The following THSD7B variants were observed in gnomAD, a reference collection of about 807,000 sequenced individuals.
THSD7B encodes the protein thrombospondin type 1 domain containing 7B, also known as thrombospondin type-1 domain-containing protein 7B.
THSD7B carries 138 observed loss-of-function variants against 213.6 expected under a neutral mutation model. The ratio of observed to expected loss-of-function variants is 0.65; its 90% CI spans 0.56 to 0.74. THSD7B has a LOEUF of 0.74. THSD7B is among the 30% of genes least tolerant of loss of function. THSD7B has a pLI of 0.00. For missense variants in THSD7B, 1,931 were observed against 1,991.5 expected (o/e 0.97, Z 0.58); for synonymous variants, 742 against 687.0 (o/e 1.08, Z -1.25).
At chr2:137,145,823 A>G (rs1458845358) in intron 5 of THSD7B, among the ~76,000 whole-genome samples, 7 of 152,110 alleles carry the variant, frequency 4.6e-5, no homozygotes, top group Non-Finnish European at 8.8e-5. Context: ...CGCTTTCAGA[A>G]TCAGTGTTTA....
intron 1 of THSD7B, among the ~76,000 whole-genome samples, chr2:136,816,937 A>G (rs1350548627): frequency 1.3e-5 from 2 of 152,208 alleles, no homozygotes; most frequent in Non-Finnish European, 2.9e-5. Flanking sequence ...ATATATGGAC[A>G]TATTGCTGAA....
At position 137,328,151 on chromosome 2, in the gene THSD7B, C is replaced by T. The variant is rs1387501973; in HGVS notation, c.2500+52125C>T. 7.9e-5 allele frequency among the ~76,000 whole-genome samples: 12 copies of T among 152,066 alleles called. 1 individual carries two copies. The highest frequency in any genetic ancestry group is 7.9e-4 in the Admixed American group (12 of 15,266). On this transcript the variant is annotated intron_variant, in intron 12 of 27. Transcript: ENST00000409968. ...TATACTTAGATAAATGCGTATGAGTCTAAAATATTAGATAAAGAGAGCATA... is the reference window on the plus strand; with the variant it reads ...TATACTTAGATAAATGCGTATGAGTTTAAAATATTAGATAAAGAGAGCATA...
At chr2:137,655,844 GA>G (rs1294746504) in intron 22 of THSD7B, among the ~76,000 whole-genome samples, 184 bp downstream of exon 22, 1 of 150,614 alleles carries the variant, frequency 6.6e-6, no homozygotes, top group Admixed American at 6.6e-5. Flanking sequence ...GTAGGCAAAA[GA>G]AAAAAAAAGG....
chr2:136,969,310 T>C (rs1685369110), intron 2 of THSD7B, among the ~76,000 whole-genome samples: 1 of 152,196 alleles, frequency 6.6e-6, no homozygotes, highest in African/African-American at 2.4e-5. Context: ...TACTTCGTTT[T>C]GTTTCTCAGC....
chr2:137,547,972 C>A (rs77132157), intron 15 of THSD7B, among the ~76,000 whole-genome samples: 3,604 of 152,058 alleles, frequency 0.024, 164 homozygotes, highest in African/African-American at 0.083. Context: ...CAGTTTTGTG[C>A]TTGCCTACTG....
chr2:136,919,329 C>T (rs541167223), intron 2 of THSD7B, among the ~76,000 whole-genome samples: 1 of 152,206 alleles, frequency 6.6e-6, no homozygotes, highest in Non-Finnish European at 1.5e-5. Flanking sequence ...AGGCAAAACC[C>T]AAGCAGGCAA....
rs183146081 is a variant in THSD7B, at chr2:137,086,891, A to G, written c.951-7982A>G. Among the ~76,000 whole-genome samples, 519 of 152,326 alleles carry G rather than the reference A, an allele frequency of 3.4e-3. 3 individuals are homozygous for G. Among genetic ancestry groups the G allele is most frequent in the Non-Finnish European group, 6.2e-3 (423 of 68,030 alleles). ...AATATTTATGACCTAACTCTAGGCAATACTCCTAGGGGAAATCTCTTTTAC... is the reference window on the plus strand; with the variant it reads ...AATATTTATGACCTAACTCTAGGCAGTACTCCTAGGGGAAATCTCTTTTAC... On this transcript the variant is annotated intron_variant, in intron 3 of 27. Transcript: ENST00000409968.
chr2:137,509,913 T>C (rs1356272175), intron 15 of THSD7B, among the ~76,000 whole-genome samples: 1 of 152,214 alleles, frequency 6.6e-6, no homozygotes, highest in African/African-American at 2.4e-5. Context: ...TTGACGGCTA[T>C]TTGATCTGGA....
intron 15 of THSD7B, among the ~76,000 whole-genome samples, chr2:137,507,783 G>GTCCT (rs964564142): frequency 7.3e-6 from 1 of 137,638 alleles, no homozygotes; most frequent in Admixed American, 7.4e-5. Context: ...CTTTGCTTTT[G>GTCCT]TCCTTCCTTC....
chr2:137,501,986 C>T (rs1460476133), intron 15 of THSD7B, among the ~76,000 whole-genome samples: 1 of 152,182 alleles, frequency 6.6e-6, no homozygotes, highest in Non-Finnish European at 1.5e-5. Context: ...TACTGATGAT[C>T]AATGCGCAAG....
chr2:136,923,036 C>T (rs1038647699), intron 2 of THSD7B, among the ~76,000 whole-genome samples: 1 of 152,188 alleles, frequency 6.6e-6, no homozygotes, highest in Non-Finnish European at 1.5e-5. Flanking sequence ...AGTACATACA[C>T]ATTGTGCAAC....
chr2:137,076,422 T>G (rs1021731093), intron 3 of THSD7B, among the ~76,000 whole-genome samples: 21 of 152,346 alleles, frequency 1.4e-4, no homozygotes, highest in African/African-American at 5.1e-4. Context: ...GTGTGCCGTT[T>G]TTTAGGCCCA....
chr2:137,132,344 C>G (rs973738205), intron 5 of THSD7B, among the ~76,000 whole-genome samples: 6 of 140,856 alleles, frequency 4.3e-5, no homozygotes, highest in Admixed American at 2.9e-4. Context: ...AATTTGACTT[C>G]CTCTTTTCCT....
At chr2:137,503,681 C>T (rs1013481605) in intron 15 of THSD7B, among the ~76,000 whole-genome samples, 4 of 152,020 alleles carry the variant, frequency 2.6e-5, no homozygotes, top group African/African-American at 9.7e-5. Context: ...ATTTGTGAAC[C>T]CTAGTTCCCT....
chr2:136,774,498 T>C (rs1407154760), intron 1 of THSD7B, among the ~76,000 whole-genome samples: 1 of 152,128 alleles, frequency 6.6e-6, no homozygotes, highest in Non-Finnish European at 1.5e-5. Context: ...ATTCCTTTCA[T>C]TGTGTGCAAC....
intron 14 of THSD7B, among the ~76,000 whole-genome samples, chr2:137,439,700 G>A (rs1300424166): frequency 6.6e-6 from 1 of 152,134 alleles, no homozygotes; most frequent in Non-Finnish European, 1.5e-5. Flanking sequence ...AGGAGTTAAT[G>A]TACTGTGAAT....
intron 2 of THSD7B, among the ~76,000 whole-genome samples, chr2:136,959,714 G>A (rs1031764212): frequency 1.3e-5 from 2 of 152,032 alleles, no homozygotes; most frequent in Non-Finnish European, 2.9e-5. Context: ...ATTGCAAAGG[G>A]GCCGATATTA....
intron 12 of THSD7B, among the ~76,000 whole-genome samples, chr2:137,306,192 C>T (rs998364717): frequency 4.6e-5 from 7 of 152,144 alleles, no homozygotes; most frequent in South Asian, 2.1e-4. Context: ...GTGCATAATA[C>T]ATTGTGCTGT....
chr2:137,388,133 G>A (rs1184593806), intron 12 of THSD7B, among the ~76,000 whole-genome samples: 1 of 152,178 alleles, frequency 6.6e-6, no homozygotes, highest in Non-Finnish European at 1.5e-5. Context: ...ACAGATGATA[G>A]TAGATGCTTT....
Sources: gnomAD v4.1 joint callset for allele counts (sites outside exome capture counted in the v4.1 genomes callset) on GRCh38, gnomAD v4.1.1 for gene constraint, MANE v1.5 for transcripts, NCBI Gene and HGNC (gene_info 2026-07-23, HGNC 2026-07-21) for gene names.